MAN1C1: variants seen among roughly 807,000 people sequenced by gnomAD.
MAN1C1 encodes the protein mannosidase alpha class 1C member 1, also known as mannosyl-oligosaccharide 1,2-alpha-mannosidase IC.
In MAN1C1, 49 loss-of-function variants were observed where a neutral mutation model predicts 71.5. The ratio of observed to expected loss-of-function variants is 0.69; its 90% CI spans 0.54 to 0.87. The LOEUF is 0.87. MAN1C1 is among the 40% of genes least tolerant of loss of function. The probability of loss-of-function intolerance (pLI) is 0.00; values close to 1 mark genes in which losing one functional copy is unlikely to be tolerated. For synonymous variants in MAN1C1, 352 were observed against 343.7 expected (o/e 1.02, Z -0.27); for missense variants, 743 against 835.0 (o/e 0.89, Z 1.36).
At chr1:25,633,983 T>G (rs1408613883) in intron 1 of MAN1C1, among the ~76,000 whole-genome samples, 2 of 152,348 alleles carry the variant, frequency 1.3e-5, no homozygotes, top group East Asian at 3.9e-4. Flanking sequence ...ACAAGTTCCT[T>G]CACCATGTAA....
chr1:25,655,710 A>G (rs1050373342), intron 1 of MAN1C1, among the ~76,000 whole-genome samples: 1 of 152,094 alleles, frequency 6.6e-6, no homozygotes, highest in African/African-American at 2.4e-5. Flanking sequence ...TTGCAAGTCT[A>G]TTGGATGAAA....
At chr1:25,716,303 C>A (rs1411544954) in intron 2 of MAN1C1, among the ~76,000 whole-genome samples, 1 of 152,170 alleles carries the variant, frequency 6.6e-6, no homozygotes, top group Non-Finnish European at 1.5e-5. Flanking sequence ...CCTGACAGGT[C>A]CCTGCTCTTT....
chr1:25,663,039 C>T (rs1386704849), intron 1 of MAN1C1, among the ~76,000 whole-genome samples: 1 of 150,596 alleles, frequency 6.6e-6, no homozygotes, highest in Non-Finnish European at 1.5e-5. Flanking sequence ...TGCAGTGAGC[C>T]GAGATCATGC....
At position 25,725,759 on chromosome 1, in the gene MAN1C1, C is replaced by T. The variant is rs2046822931; in HGVS notation, c.638-20909C>T. The stretch of plus-strand genomic sequence containing the variant: ...TCCCAGTGTTTGTTTTAATGGAAGT[C>T]GAAGGCGTGTGGCATTTGAGGGAGA... On this transcript the variant is annotated intron_variant, in intron 2 of 11. Transcript: ENST00000374332. The surrounding 1 kb of genome is among the most constrained non-coding windows in gnomAD (Gnocchi z 4.8). Among the ~76,000 whole-genome samples, 2 of 152,204 alleles carry T rather than the reference C, an allele frequency of 1.3e-5. No homozygotes were observed. Among genetic ancestry groups the T allele is most frequent in the Non-Finnish European group, 2.9e-5 (2 of 68,034 alleles).
At chr1:25,723,107 A>G (rs2046788463) in intron 2 of MAN1C1, among the ~76,000 whole-genome samples, 1 of 152,150 alleles carries the variant, frequency 6.6e-6, no homozygotes, top group Non-Finnish European at 1.5e-5. Flanking sequence ...CCGGGAAATT[A>G]ATGGACCTTC....
intron 2 of MAN1C1, chr1:25,709,509 C>T (rs2124243752): frequency 6.6e-6 from 1 of 152,390 alleles, no homozygotes; most frequent in East Asian, 1.9e-4. Flanking sequence ...AGCTCCAAAG[C>T]CCATGCTCTT....
At chr1:25,666,613 C>G (rs2045927770) in intron 1 of MAN1C1, among the ~76,000 whole-genome samples, 1 of 152,122 alleles carries the variant, frequency 6.6e-6, no homozygotes. Flanking sequence ...GGAAAGGACC[C>G]CACTCCCCCC....
At chr1:25,621,779 C>T (rs187023530) in intron 1 of MAN1C1, among the ~76,000 whole-genome samples, 4 of 152,036 alleles carry the variant, frequency 2.6e-5, no homozygotes, top group Non-Finnish European at 4.4e-5. Context: ...TCCAGGCGCC[C>T]CACCACACCT....
Position 25,631,910 on chromosome 1 carries a change from T to C in MAN1C1, c.540+13573T>C, listed in dbSNP as rs911230131. 8.5e-5 allele frequency among the ~76,000 whole-genome samples: 13 copies of C among 152,216 alleles called. No individual in the cohort carries two copies. The highest frequency in any genetic ancestry group is 3.1e-4 in the African/African-American group (13 of 41,454). On this transcript the variant is annotated intron_variant, in intron 1 of 11. Coordinates refer to ENST00000374332, the MANE Select transcript of MAN1C1 (RefSeq NM_020379.4). The surrounding 1 kb of genome is among the most constrained non-coding windows in gnomAD (Gnocchi z 4.2). ...CCTCAGCTGCCTGAGTAGCTGGGAC[T>C]ACAGGTGCATGCCACTACGCACGGC...
intron 2 of MAN1C1, among the ~76,000 whole-genome samples, chr1:25,716,804 C>G (rs1421912592): frequency 6.6e-6 from 1 of 152,188 alleles, no homozygotes; most frequent in African/African-American, 2.4e-5. Context: ...ATTTTTATAT[C>G]TAAAAGTTTC....
intron 7 of MAN1C1, among the ~76,000 whole-genome samples, chr1:25,771,087 C>T (rs976384493): frequency 6.6e-6 from 1 of 152,178 alleles, no homozygotes; most frequent in Non-Finnish European, 1.5e-5. Flanking sequence ...CAGAGGCCAC[C>T]AGGGCAGAGA....
At chr1:25,619,775 A>G (rs2045178219) in intron 1 of MAN1C1, among the ~76,000 whole-genome samples, 1 of 152,188 alleles carries the variant, frequency 6.6e-6, no homozygotes, top group Admixed American at 6.5e-5. Context: ...TACGCTGTTG[A>G]ATACTCACTT....
chr1:25,652,267 A>G (rs2045703115), intron 1 of MAN1C1, among the ~76,000 whole-genome samples: 1 of 151,998 alleles, frequency 6.6e-6, no homozygotes, highest in Admixed American at 6.5e-5. Flanking sequence ...AGCAGGAGGG[A>G]CTCCTGTGCA....
chr1:25,695,869 A>C (rs547488848), intron 2 of MAN1C1, among the ~76,000 whole-genome samples: 1 of 152,152 alleles, frequency 6.6e-6, no homozygotes, highest in Admixed American at 6.5e-5. Flanking sequence ...CATCAGTACA[A>C]AGGGGTTTGC....
chr1:25,688,492 G>A (rs1428216210), intron 2 of MAN1C1, among the ~76,000 whole-genome samples: 1 of 152,204 alleles, frequency 6.6e-6, no homozygotes, highest in Non-Finnish European at 1.5e-5. Context: ...CAGCATGGGC[G>A]CAGCTATTGC....
At chr1:25,694,853 TG>T (rs1213293635) in intron 2 of MAN1C1, among the ~76,000 whole-genome samples, 2 of 152,240 alleles carry the variant, frequency 1.3e-5, no homozygotes, top group African/African-American at 4.8e-5. Flanking sequence ...GAGATATGCC[TG>T]GGTTTAAATC....
At chr1:25,624,445 C>T (rs1572101398) in intron 1 of MAN1C1, among the ~76,000 whole-genome samples, 1 of 152,124 alleles carries the variant, frequency 6.6e-6, no homozygotes, top group Non-Finnish European at 1.5e-5. Context: ...TTGAGAGCTC[C>T]CCACACTTGG....
chr1:25,649,794 T>A (rs12410889), intron 1 of MAN1C1, among the ~76,000 whole-genome samples: 5,769 of 152,186 alleles, frequency 0.038, 362 homozygotes, highest in East Asian at 0.22. Flanking sequence ...TGTGCCACCA[T>A]GCCTGGCTAA....
At chr1:25,632,020 C>T (rs747566070) in intron 1 of MAN1C1, among the ~76,000 whole-genome samples, 7 of 152,176 alleles carry the variant, frequency 4.6e-5, no homozygotes, top group African/African-American at 1.2e-4. Context: ...TCAAGCGATC[C>T]GCCCACTTTG....
Sources: gnomAD v4.1 joint callset for allele counts (sites outside exome capture counted in the v4.1 genomes callset) on GRCh38, gnomAD v4.1.1 for gene constraint, Gnocchi (gnomAD v3.1) non-coding constraint, MANE v1.5 for transcripts, NCBI Gene and HGNC (gene_info 2026-07-23, HGNC 2026-07-21) for gene names.